Variants in MTA3 observed in about 807,000 individuals in gnomAD.
The protein encoded by MTA3 is metastasis associated 1 family member 3, also known as metastasis-associated protein MTA3.
In MTA3, 34 loss-of-function variants were observed where a neutral mutation model predicts 83.5. The observed-to-expected ratio is 0.41, with a 90% CI of 0.31 to 0.54. The LOEUF is 0.54. Ranked by LOEUF, MTA3 falls within the 20% of genes least tolerant of loss-of-function variation. The pLI is 0.33. For synonymous variants in MTA3, 303 were observed against 252.7 expected (o/e 1.20, Z -1.89); for missense variants, 761 against 726.4 (o/e 1.05, Z -0.55).
intron 16 of MTA3, among the ~76,000 whole-genome samples, chr2:42,750,601 C>T: frequency 6.6e-6 from 1 of 152,166 alleles, no homozygotes; most frequent in East Asian, 1.9e-4. Flanking sequence ...TCAGATTCCC[C>T]AGAGAAGTTT....
intron 4 of MTA3, among the ~76,000 whole-genome samples, chr2:42,630,411 A>G (rs1686563983): frequency 6.6e-6 from 1 of 152,238 alleles, no homozygotes; most frequent in South Asian, 2.1e-4. Context: ...TCTCCTGCAC[A>G]GTCCCCCCAG....
chr2:42,755,777 C>G lies in MTA3; in HGVS notation c.*2378C>G. 4 of 985,564 alleles carry G rather than the reference C, an allele frequency of 4.1e-6. No homozygotes were observed. The highest frequency in any genetic ancestry group is 4.8e-6 in the Non-Finnish European group (4 of 830,042). 61.1% of individuals were successfully genotyped at this position (985,564 alleles called of 1,614,324 possible). A position where few individuals can be genotyped will look rare whatever the true frequency, so the allele number is the denominator to read the frequency against. ...GTGTCAGTGGCATGTCACTGTGGTT[C>G]AGTGAGCACATGGGTGGACGTGCAG... is the stretch of plus-strand genomic sequence containing the variant. On this transcript the variant is annotated 3_prime_UTR_variant, in exon 17 of 17. Transcript: ENST00000405094.
chr2:42,727,443 T>C (rs1667908133), intron 16 of MTA3, among the ~76,000 whole-genome samples: 1 of 152,192 alleles, frequency 6.6e-6, no homozygotes, highest in African/African-American at 2.4e-5. Flanking sequence ...GCAAACCAGG[T>C]ATCACCTACT....
chr2:42,676,202 A>G (rs1262248153), intron 8 of MTA3, among the ~76,000 whole-genome samples: 1 of 152,194 alleles, frequency 6.6e-6, no homozygotes, highest in Non-Finnish European at 1.5e-5. Context: ...CACAAACTAA[A>G]CACTAAAGAG....
At chr2:42,511,263 A>G (rs549418285) in intron 2 of MTA3, among the ~76,000 whole-genome samples, 12 of 152,206 alleles carry the variant, frequency 7.9e-5, no homozygotes, top group African/African-American at 2.6e-4. Flanking sequence ...TCCAAAGTGC[A>G]GGATTTAAAA....
intron 2 of MTA3, among the ~76,000 whole-genome samples, chr2:42,577,054 A>G (rs750796076): frequency 2.8e-5 from 4 of 145,152 alleles, no homozygotes; most frequent in Non-Finnish European, 6.0e-5. Context: ...AGATTGTGCC[A>G]CTGCACTCAA....
At chr2:42,567,118 T>C (rs1168952411), upstream of MTA3, among the ~76,000 whole-genome samples, 1 of 152,218 alleles carries the variant, frequency 6.6e-6, no homozygotes, top group Non-Finnish European at 1.5e-5. Context: ...AGAGAACCCT[T>C]GGGAATCTGT....
At chr2:42,675,698 T>A (rs1317942226) in intron 8 of MTA3, among the ~76,000 whole-genome samples, 2 of 152,244 alleles carry the variant, frequency 1.3e-5, no homozygotes, top group Admixed American at 6.5e-5. Context: ...TGTGTTATCT[T>A]ACTGATAAAC....
chr2:42,504,660 G>A (rs888601327), intron 2 of MTA3, among the ~76,000 whole-genome samples: 2 of 150,336 alleles, frequency 1.3e-5, no homozygotes, highest in South Asian at 4.2e-4. Context: ...GACCCTTTAA[G>A]CTTGCTTTTT....
chr2:42,659,740 T>G, intron 7 of MTA3, 23 bp from the exon 8 acceptor site: 1 of 1,482,306 alleles, frequency 6.7e-7, no homozygotes, highest in East Asian at 2.6e-5. Context: ...AATTCTTCCT[T>G]ATTGTGTTTG....
upstream of MTA3, among the ~76,000 whole-genome samples, chr2:42,566,239 C>T (rs1468643262): frequency 6.6e-6 from 1 of 152,096 alleles, no homozygotes; most frequent in East Asian, 1.9e-4. Context: ...GCAGGCTTTC[C>T]ACCCGTCTTT....
intron 14 of MTA3, among the ~76,000 whole-genome samples, chr2:42,717,345 A>T (rs749294869): frequency 6.6e-6 from 1 of 152,200 alleles, no homozygotes; most frequent in Non-Finnish European, 1.5e-5. Flanking sequence ...CCTGTAGGAC[A>T]TTTTTGTCAA....
At chr2:42,674,162 C>T (rs1369312604) in intron 8 of MTA3, among the ~76,000 whole-genome samples, 1 of 152,220 alleles carries the variant, frequency 6.6e-6, no homozygotes, top group East Asian at 1.9e-4. Context: ...CTTGTCAAGG[C>T]TCAGTTATGT....
chr2:42,619,072 G>T (rs1230550379), intron 4 of MTA3, among the ~76,000 whole-genome samples: 5 of 152,166 alleles, frequency 3.3e-5, no homozygotes, highest in African/African-American at 1.2e-4. Flanking sequence ...TTCTAGCTTG[G>T]TTGGTTGGTT....
chr2:42,502,852 A>G (rs1183973117), intron 2 of MTA3, among the ~76,000 whole-genome samples: 1 of 151,532 alleles, frequency 6.6e-6, no homozygotes, highest in African/African-American at 2.4e-5. Context: ...AATCCCAGCT[A>G]TTCAGGAGGC....
At chr2:42,709,355 T>G in intron 14 of MTA3, 1 of 1,252,066 alleles carries the variant, frequency 8.0e-7, no homozygotes, top group South Asian at 1.7e-5. Flanking sequence ...TGGTGGGAGG[T>G]GATCCTATTC....
chr2:42,664,466 CTTTTTTTTTTTTTT>C (rs35633597), intron 8 of MTA3, among the ~76,000 whole-genome samples: 16 of 85,746 alleles, frequency 1.9e-4, no homozygotes, highest in South Asian at 8.7e-4. Context: ...CCCCGCTTAC[CTTTTTTTTTTTTTT>C]TTTTTTTTTT....
At chr2:42,577,105 A>AAT (rs1162559713) in intron 2 of MTA3, among the ~76,000 whole-genome samples, 35 of 86,914 alleles carry the variant, frequency 4.0e-4, no homozygotes, top group Non-Finnish European at 6.6e-4. Flanking sequence ...AAAAAAAAAA[A>AAT]ATATATATAT....
chr2:42,558,273 C>T (rs1677495552), intron 2 of MTA3, among the ~76,000 whole-genome samples: 1 of 144,246 alleles, frequency 6.9e-6, no homozygotes, highest in South Asian at 2.2e-4. Flanking sequence ...TGGAGTTTCG[C>T]TCTTGGTACC....
Sources: gnomAD v4.1 joint callset for allele counts (sites outside exome capture counted in the v4.1 genomes callset) on GRCh38, gnomAD v4.1.1 for gene constraint, MANE v1.5 for transcripts, NCBI Gene and HGNC (gene_info 2026-07-23, HGNC 2026-07-21) for gene names.